Variants in EMSY observed in about 807,000 individuals in gnomAD.
EMSY encodes EMSY transcriptional repressor, BRCA2 interacting.
EMSY carries 26 observed loss-of-function variants against 134.6 expected under a neutral mutation model. That is an observed-to-expected ratio of 0.19 (90% CI 0.14 to 0.27). The LOEUF is 0.27. EMSY is among the 10% of genes least tolerant of loss of function. The pLI, the probability that EMSY is intolerant of heterozygous loss-of-function variation, is 1.00. For synonymous variants in EMSY, 579 were observed against 577.8 expected (o/e 1.00, Z -0.03); for missense variants, 1,305 against 1,611.4 (o/e 0.81, Z 3.26).
At chr11:76,519,158 A>G (rs553967135) in intron 11 of EMSY, among the ~76,000 whole-genome samples, 5 of 148,244 alleles carry the variant, frequency 3.4e-5, no homozygotes, top group Non-Finnish European at 7.4e-5. Context: ...CCCGCCTCCC[A>G]GGTTCAAGCA....
chr11:76,457,865 T>C (rs1264238703), intron 4 of EMSY, among the ~76,000 whole-genome samples: 1 of 152,208 alleles, frequency 6.6e-6, no homozygotes, highest in Non-Finnish European at 1.5e-5. Flanking sequence ...AATACTAGTT[T>C]TCATTAGTGA....
intron 5 of EMSY, chr11:76,459,123 A>G (rs1288398881): frequency 6.6e-6 from 1 of 152,246 alleles, no homozygotes; most frequent in Non-Finnish European, 1.5e-5. Context: ...CTTGGCCTCC[A>G]TCGAGTTCTT....
At chr11:76,454,455 G>A (rs1947792293) in intron 4 of EMSY, among the ~76,000 whole-genome samples, 2 of 152,086 alleles carry the variant, frequency 1.3e-5, no homozygotes, top group South Asian at 4.1e-4. Flanking sequence ...GAAACACTCA[G>A]ATATTAGTCA....
intron 8 of EMSY, among the ~76,000 whole-genome samples, chr11:76,473,548 A>G (rs886415128): frequency 6.6e-6 from 1 of 151,826 alleles, no homozygotes; most frequent in Non-Finnish European, 1.5e-5. Context: ...AGTTCAGACA[A>G]TCCACCCGCC....
At chr11:76,448,095 C>G (rs1339860833) in intron 2 of EMSY, among the ~76,000 whole-genome samples, 2 of 152,110 alleles carry the variant, frequency 1.3e-5, no homozygotes, top group Non-Finnish European at 2.9e-5. Context: ...GGATAACACT[C>G]TCTGCCTCAT....
intron 8 of EMSY, among the ~76,000 whole-genome samples, chr11:76,476,963 A>G (rs1590839851): frequency 6.6e-6 from 1 of 152,252 alleles, no homozygotes; most frequent in Non-Finnish European, 1.5e-5. Context: ...ATTCCAATTT[A>G]TAATTATGGG....
intron 10 of EMSY, among the ~76,000 whole-genome samples, chr11:76,515,276 A>G (rs1950412566): frequency 6.6e-6 from 1 of 151,654 alleles, no homozygotes; most frequent in African/African-American, 2.4e-5. Context: ...ATCATGAAAG[A>G]TTTCTTCAAG....
intron 9 of EMSY, among the ~76,000 whole-genome samples, chr11:76,506,794 G>A (rs1950096572): frequency 6.6e-6 from 1 of 152,184 alleles, no homozygotes; most frequent in Admixed American, 6.5e-5. Context: ...CCGATAAGAT[G>A]AAAACTTGGC....
At chr11:76,510,701 C>G (rs375860554) in intron 9 of EMSY, among the ~76,000 whole-genome samples, 1 of 152,232 alleles carries the variant, frequency 6.6e-6, no homozygotes, top group South Asian at 2.1e-4. Context: ...CACATCCATA[C>G]TGCTCTTGCC....
At chr11:76,521,141 G>A (rs906880124) in intron 11 of EMSY, among the ~76,000 whole-genome samples, 6 of 152,168 alleles carry the variant, frequency 3.9e-5, no homozygotes, top group Non-Finnish European at 7.3e-5. Context: ...TGTGTGGTAG[G>A]TAACGGGAAG....
At chr11:76,459,041 C>T (rs1947996624) in intron 5 of EMSY, 1 of 152,154 alleles carries the variant, frequency 6.6e-6, no homozygotes, top group Non-Finnish European at 1.5e-5. Context: ...CAGAGTAAGA[C>T]ACTTTTTTTA....
At chr11:76,473,639 G>A (rs1948663310) in intron 8 of EMSY, among the ~76,000 whole-genome samples, 1 of 152,072 alleles carries the variant, frequency 6.6e-6, no homozygotes, top group South Asian at 2.1e-4. Context: ...ATGGATAGAT[G>A]ATGGAAATAT....
At chr11:76,528,296 T>G (rs1950914413) in exon 14 of EMSY, 1 of 1,613,586 alleles carries the variant, frequency 6.2e-7, no homozygotes, top group South Asian at 1.1e-5. Context: ...CCAGTGACTT[T>G]TCAAGCGACA....
chr11:76,453,169 A>G lies in EMSY; in HGVS notation c.171-145A>G, dbSNP rs1272427670. Reference sequence around the variant, plus strand: ...CTAAGATGTTAAAGCATTTGAAGATATATATATTAGACTCCTGTCTATATC... The same window carrying G: ...CTAAGATGTTAAAGCATTTGAAGATGTATATATTAGACTCCTGTCTATATC... On this transcript the variant is annotated intron_variant, in intron 3 of 20. Coordinates refer to ENST00000334736, the Ensembl canonical transcript of EMSY. 3 of 548,706 alleles carry G rather than the reference A, an allele frequency of 5.5e-6. No homozygotes were observed. The Admixed American group carries it at 1.0e-4, about 19-fold the overall frequency. 34.0% of individuals were successfully genotyped at this position (548,706 alleles called of 1,614,324 possible).
rs80289833 is a variant in EMSY, at chr11:76,479,475, C to T, written c.1108+6635C>T. On this transcript the variant is annotated intron_variant, in intron 8 of 20. Transcript: ENST00000334736. ...CTGGATGCGCCAATAACAGGTTCCC[C>T]GCAATGCCCCACATGGGGCCAAGAC... Among the ~76,000 whole-genome samples the T allele has an allele frequency of 9.3e-3, 1,424 of 152,338 alleles. 23 individuals carry two copies. The highest frequency in any genetic ancestry group is 0.033 in the African/African-American group (1,356 of 41,570).
intron 10 of EMSY, among the ~76,000 whole-genome samples, chr11:76,515,155 G>T (rs1950405220): frequency 6.9e-6 from 1 of 144,080 alleles, no homozygotes; most frequent in African/African-American, 2.6e-5. Context: ...CTCCCTTTTT[G>T]GGTAATGGTT....
intron 8 of EMSY, among the ~76,000 whole-genome samples, chr11:76,493,703 T>G (rs1949515238): frequency 6.6e-6 from 1 of 152,224 alleles, no homozygotes; most frequent in Non-Finnish European, 1.5e-5. Context: ...AAGGAGCTAC[T>G]CGCTTCGGAT....
Position 76,461,564 on chromosome 11 carries a change from T to G in EMSY, c.571+1479T>G, listed in dbSNP as rs58002703. On this transcript the variant is annotated intron_variant, in intron 6 of 20. Transcript: ENST00000334736. ...TCTAGGACTATTAATTAAATTTATA[T>G]CTGATTTCTGCAGATTTAGCCAAGG... Among the ~76,000 whole-genome samples, 1,421 of 152,360 alleles carry G rather than the reference T, an allele frequency of 9.3e-3. 22 individuals carry two copies. The highest frequency in any genetic ancestry group is 0.033 in the African/African-American group (1,355 of 41,578).
intron 11 of EMSY, among the ~76,000 whole-genome samples, chr11:76,517,679 T>G (rs1355838411): frequency 6.6e-6 from 1 of 152,216 alleles, no homozygotes; most frequent in Non-Finnish European, 1.5e-5. Context: ...AGCAGAGATG[T>G]CATTTGAAAT....
Sources: gnomAD v4.1 joint callset for allele counts (sites outside exome capture counted in the v4.1 genomes callset) on GRCh38, gnomAD v4.1.1 for gene constraint, MANE v1.5 for transcripts, NCBI Gene and HGNC (gene_info 2026-07-23, HGNC 2026-07-21) for gene names.